Variants in RORB observed in about 807,000 individuals in gnomAD.
The protein encoded by RORB is nuclear receptor ROR-beta.
Under a neutral mutation model 59.1 loss-of-function variants are expected in RORB, and 6 were observed. The ratio of observed to expected loss-of-function variants is 0.10; its 90% confidence interval spans 0.06 to 0.20. The LOEUF is 0.20. Among genes scored for constraint, RORB ranks in the 10% least tolerant of loss-of-function variants. RORB has a pLI of 1.00. For synonymous variants in RORB, 215 were observed against 204.5 expected, an observed-to-expected ratio of 1.05 and a Z score of -0.44; for missense variants, 320 against 560.5, an observed-to-expected ratio of 0.57 and a Z score of 4.33.
intron 1 of RORB, among the ~76,000 whole-genome samples, chr9:74,566,989 T>C (rs1822478757): frequency 6.6e-6 from 1 of 152,082 alleles, no homozygotes; most frequent in Non-Finnish European, 1.5e-5. Context: ...CCAAAAGCTG[T>C]TGCTTGCCTA....
Position 74,686,674 on chromosome 9 carries a change from C to A in RORB, c.*1056C>A, listed in dbSNP as rs1435045259. 1 of 152,364 alleles carries A rather than the reference C, an allele frequency of 6.6e-6. No individual in the cohort carries two copies. The highest frequency in any genetic ancestry group is 1.5e-5 in the Non-Finnish European group (1 of 67,992). The allele number at this position is 152,364 out of a possible 1,614,324, so 9.4% of individuals were successfully genotyped here. A position where few individuals can be genotyped will look rare whatever the true frequency, so the allele number is the denominator to read the frequency against. ...GGAAAGTTAAAAGAATAAATCAGAA[C>A]CCAGGGCAACAATGCCATTTCATGT... On this transcript the variant is annotated 3_prime_UTR_variant, in exon 10 of 10. Transcript: ENST00000376896.
intron 4 of RORB, among the ~76,000 whole-genome samples, chr9:74,649,392 C>T (rs1444208546): frequency 6.6e-6 from 1 of 152,088 alleles, no homozygotes; most frequent in East Asian, 1.9e-4. Flanking sequence ...TGCTTATTTC[C>T]AAAATCTTGC....
intron 1 of RORB, among the ~76,000 whole-genome samples, chr9:74,607,447 A>G (rs1442354187): frequency 6.6e-6 from 1 of 152,184 alleles, no homozygotes; most frequent in Non-Finnish European, 1.5e-5. Flanking sequence ...GGGGGACTAC[A>G]GATGTGTTTC....
rs926388187 is a variant in RORB at position 74,498,335 on chromosome 9, G to A, written c.7+352G>A. The stretch of plus-strand genomic sequence containing the variant: ...GAAAGCCGAAAGAGGGATGCCTCTG[G>A]ACAGGAGCAGTTTGGAAGCGCCCGG... On this transcript the variant is annotated intron_variant, in intron 1 of 9. Coordinates refer to ENST00000376896, the MANE Select transcript of RORB (RefSeq NM_006914.4). 6 of 277,308 alleles carry A rather than the reference G, an allele frequency of 2.2e-5. No homozygotes were observed. In the East Asian group the frequency reaches 3.3e-4, roughly 15 times the overall value. 17.2% of individuals were successfully genotyped at this position (277,308 alleles called of 1,614,324 possible). A position where few individuals can be genotyped will look rare whatever the true frequency, so the allele number is the denominator to read the frequency against.
chr9:74,573,687 C>T (rs1408899414), intron 1 of RORB, among the ~76,000 whole-genome samples: 1 of 152,030 alleles, frequency 6.6e-6, no homozygotes, highest in Non-Finnish European at 1.5e-5. Context: ...GGTTGCTTCT[C>T]AGAGCAATAA....
intron 1 of RORB, among the ~76,000 whole-genome samples, chr9:74,626,104 G>A (rs1823509459): frequency 6.6e-6 from 1 of 152,148 alleles, no homozygotes; most frequent in African/African-American, 2.4e-5. Flanking sequence ...AAACATGGTA[G>A]TTTTGTGCAA....
At chr9:74,604,351 G>C (rs1391032956) in intron 1 of RORB, among the ~76,000 whole-genome samples, 1 of 152,160 alleles carries the variant, frequency 6.6e-6, no homozygotes, top group Non-Finnish European at 1.5e-5. Flanking sequence ...ACCTAAGGCA[G>C]CTGTGCATTC....
chr9:74,612,735 A>C (rs947332704), intron 1 of RORB, among the ~76,000 whole-genome samples: 1 of 152,166 alleles, frequency 6.6e-6, no homozygotes, highest in Non-Finnish European at 1.5e-5. Context: ...TATTAATTTC[A>C]TTTACTCAGG....
chr9:74,501,519 C>A (rs1825803521), intron 1 of RORB, among the ~76,000 whole-genome samples: 1 of 152,076 alleles, frequency 6.6e-6, no homozygotes, highest in African/African-American at 2.4e-5. Context: ...TGTTAGTAGT[C>A]CATTAATAAT....
intron 4 of RORB, among the ~76,000 whole-genome samples, chr9:74,646,365 T>C (rs1024363764): frequency 2.6e-5 from 4 of 152,104 alleles, no homozygotes; most frequent in Non-Finnish European, 4.4e-5. Context: ...AACACAACTA[T>C]ATGAGCAACT....
At chr9:74,544,143 G>A (rs1475773100) in intron 1 of RORB, among the ~76,000 whole-genome samples, 2 of 152,066 alleles carry the variant, frequency 1.3e-5, no homozygotes, top group Admixed American at 6.5e-5. Flanking sequence ...CTCTGTTGCC[G>A]CCTCCTCCAA....
At chr9:74,586,137 C>CT (rs1441255042) in intron 1 of RORB, among the ~76,000 whole-genome samples, 1 of 151,896 alleles carries the variant, frequency 6.6e-6, no homozygotes, top group Non-Finnish European at 1.5e-5. Context: ...ATAAATTTAC[C>CT]AAAGTGTTAA....
At chr9:74,502,900 G>A (rs893753885) in intron 1 of RORB, among the ~76,000 whole-genome samples, 2 of 151,702 alleles carry the variant, frequency 1.3e-5, no homozygotes, top group Non-Finnish European at 2.9e-5. Flanking sequence ...ATAATATGAG[G>A]ATAATTTCTT....
rs1823732584 is a variant in RORB at position 74,637,935 on chromosome 9, C to A, written c.235+3163C>A. Among the ~76,000 whole-genome samples the A allele has an allele frequency of 2.0e-5, 3 of 152,170 alleles. No homozygotes were observed. The Middle Eastern group carries it at 0.01, about 518-fold the overall frequency. On this transcript the variant is annotated intron_variant, in intron 3 of 9. Coordinates refer to ENST00000376896, the MANE Select transcript of RORB (RefSeq NM_006914.4). Reference sequence around the variant, plus strand: ...AAGCAAAGAGAACATTTCAACATCACAAGGAGTTCTGTCGGAGAAAAAGAG... The same window carrying A: ...AAGCAAAGAGAACATTTCAACATCAAAAGGAGTTCTGTCGGAGAAAAAGAG...
At chr9:74,537,870 C>T (rs1554665395) in intron 1 of RORB, among the ~76,000 whole-genome samples, 1 of 151,932 alleles carries the variant, frequency 6.6e-6, no homozygotes, top group Non-Finnish European at 1.5e-5. Flanking sequence ...AAAAATATAG[C>T]ATAGCCTAAG....
At chr9:74,587,311 A>C (rs1587371997) in intron 1 of RORB, among the ~76,000 whole-genome samples, 1 of 152,306 alleles carries the variant, frequency 6.6e-6, no homozygotes, top group East Asian at 1.9e-4. Context: ...TGTTATATGC[A>C]AACTTCTATC....
intron 1 of RORB, among the ~76,000 whole-genome samples, chr9:74,575,277 C>T (rs901302579): frequency 3.3e-5 from 5 of 152,110 alleles, no homozygotes; most frequent in African/African-American, 9.7e-5. Context: ...TCCAGAATTG[C>T]TCAGGAAAAT....
intron 4 of RORB, among the ~76,000 whole-genome samples, chr9:74,647,389 C>T (rs1376672887): frequency 1.3e-5 from 2 of 152,194 alleles, no homozygotes; most frequent in African/African-American, 4.8e-5. Flanking sequence ...TACAACGTCT[C>T]AGACAACAAG....
At chr9:74,578,926 C>T (rs1476496449) in intron 1 of RORB, among the ~76,000 whole-genome samples, 2 of 152,118 alleles carry the variant, frequency 1.3e-5, no homozygotes, top group African/African-American at 4.8e-5. Flanking sequence ...TCCTGCTGTA[C>T]TCCAGCTCAC....
Sources: gnomAD v4.1 joint callset for allele counts (sites outside exome capture counted in the v4.1 genomes callset) on GRCh38, gnomAD v4.1.1 for gene constraint, MANE v1.5 for transcripts, NCBI Gene and HGNC (gene_info 2026-07-23, HGNC 2026-07-21) for gene names.